The following LOC112694756 variants were observed in gnomAD, a reference collection of about 807,000 sequenced individuals.
chr16:30,054,184 G>A, the LOC112694756 span, among the ~76,000 whole-genome samples: 5 of 152,020 alleles, frequency 3.3e-5, no homozygotes, highest in Non-Finnish European at 7.4e-5. Context: ...GCTGGGCGTC[G>A]TGGCGCGCAC....
chr16:30,066,185 C>T, the LOC112694756 span: 2 of 152,364 alleles, frequency 1.3e-5, no homozygotes, highest in Non-Finnish European at 2.9e-5. Flanking sequence ...TTGCAGGGAC[C>T]CCTGTGGCAA....
the LOC112694756 span, chr16:30,069,103 A>C: frequency 1.3e-6 from 2 of 1,486,060 alleles, no homozygotes; most frequent in South Asian, 2.3e-5. Context: ...CCCGTGGAGG[A>C]CACTCAAGGG....
the LOC112694756 span, among the ~76,000 whole-genome samples, chr16:30,061,945 G>A: frequency 6.6e-6 from 1 of 151,816 alleles, no homozygotes. Flanking sequence ...GCTCACACCT[G>A]TAATCCCAGC....
At chr16:30,068,839 G>A in the LOC112694756 span, 13 of 1,614,120 alleles carry the variant, frequency 8.1e-6, no homozygotes, top group East Asian at 6.7e-5. Flanking sequence ...CTGTCTGAGC[G>A]CTGTGCCCAG....
chr16:30,064,627 T>A, the LOC112694756 span: 312 of 396,152 alleles, frequency 7.9e-4, 1 homozygote, highest in African/African-American at 5.8e-3. Flanking sequence ...TAAATATAGG[T>A]CCCTGCCAGA....
chr16:30,063,767 C>T, the LOC112694756 span: 60 of 399,414 alleles, frequency 1.5e-4, no homozygotes, highest in Non-Finnish European at 2.1e-4. Flanking sequence ...GCCCACTCTG[C>T]GACTGTGCCT....
At chr16:30,054,875 G>A in the LOC112694756 span, 482 of 399,238 alleles carry the variant, frequency 1.2e-3, 6 homozygotes, top group East Asian at 0.017. Context: ...ATCGCTGTGG[G>A]CATCTATTTG....
chr16:30,067,953 A>G, the LOC112694756 span: 2 of 493,854 alleles, frequency 4.0e-6, no homozygotes, highest in Non-Finnish European at 7.4e-6. Flanking sequence ...CTGTTGTCAA[A>G]TAACATCCCA....
chr16:30,059,676 C>T, the LOC112694756 span, among the ~76,000 whole-genome samples: 2 of 151,466 alleles, frequency 1.3e-5, no homozygotes, highest in African/African-American at 4.9e-5. Context: ...GATTCTCCTG[C>T]CTCAGACTCC....
chr16:30,066,632 A>G, the LOC112694756 span, among the ~76,000 whole-genome samples: 1 of 152,200 alleles, frequency 6.6e-6, no homozygotes, highest in African/African-American at 2.4e-5. Flanking sequence ...CTTGTGGGGA[A>G]AAGCCTGACC....
At chr16:30,061,663 G>A in the LOC112694756 span, among the ~76,000 whole-genome samples, 3 of 143,676 alleles carry the variant, frequency 2.1e-5, no homozygotes, top group African/African-American at 5.1e-5. Context: ...AGGCTCAAGC[G>A]ATTCTCCTGC....
the LOC112694756 span, chr16:30,064,171 G>C: frequency 5.0e-6 from 2 of 398,190 alleles, no homozygotes; most frequent in Non-Finnish European, 8.8e-6. Flanking sequence ...GTTATAGGAG[G>C]AGTCTGGCCC....
chr16:30,067,327 G>A, the LOC112694756 span: 1 of 1,613,608 alleles, frequency 6.2e-7, no homozygotes, highest in Middle Eastern at 1.8e-4. Context: ...CCGCATCGTG[G>A]CACCTGGCAA....
At chr16:30,070,236 C>A in the LOC112694756 span, 1 of 1,611,966 alleles carries the variant, frequency 6.2e-7, no homozygotes, top group Non-Finnish European at 8.5e-7. Context: ...CAGGCTGCCC[C>A]CAACACTCCA....
the LOC112694756 span, chr16:30,067,240 G>T: frequency 6.2e-7 from 1 of 1,612,208 alleles, no homozygotes; most frequent in East Asian, 2.2e-5. Flanking sequence ...CCAGGAACTT[G>T]CTACTACCAG....
At chr16:30,064,305 A>C in the LOC112694756 span, 1 of 395,510 alleles carries the variant, frequency 2.5e-6, no homozygotes, top group Non-Finnish European at 4.5e-6. Context: ...GCTCCAGAGA[A>C]TCAGAACAGC....
At chr16:30,068,831 G>A in the LOC112694756 span, 2 of 1,614,252 alleles carry the variant, frequency 1.2e-6, no homozygotes, top group South Asian at 1.1e-5. Context: ...TGGATGGGCT[G>A]TCTGAGCGCT....
chr16:30,066,206 C>T, the LOC112694756 span: 1 of 152,326 alleles, frequency 6.6e-6, no homozygotes, highest in Non-Finnish European at 1.5e-5. Flanking sequence ...AGGATTAGGG[C>T]CCCTTAGCCC....
the LOC112694756 span, chr16:30,068,792 G>T: frequency 6.2e-7 from 1 of 1,614,204 alleles, no homozygotes; most frequent in South Asian, 1.1e-5. Flanking sequence ...TCCCCACCGT[G>T]CTCTGACCCC....
Sources: allele counts gnomAD v4.1 joint callset (sites outside exome capture counted in the v4.1 genomes callset), GRCh38; gene constraint gnomAD v4.1.1; transcripts MANE v1.5.